Variants in NAV3 observed in about 807,000 individuals in gnomAD.
NAV3 encodes the protein pore membrane and/or filament interacting like protein 1.
In NAV3, 87 loss-of-function variants were observed where a neutral mutation model predicts 244.7. The observed-to-expected ratio is 0.36, with a 90% confidence interval of 0.30 to 0.42. The LOEUF (loss-of-function observed/expected upper bound fraction) is 0.42, where lower values mean the gene tolerates loss of function less well. Ranked by LOEUF, NAV3 falls within the 20% of genes least tolerant of loss-of-function variation. The probability of loss-of-function intolerance (pLI) is 1.00; values close to 1 mark genes in which losing one functional copy is unlikely to be tolerated. For synonymous variants in NAV3, 1,126 were observed against 1,042.2 expected (o/e 1.08, Z -1.55); for missense variants, 2,663 against 2,893.3 (o/e 0.92, Z 1.83).
intron 18 of NAV3, chr12:78,130,192 A>G (rs1956101220): frequency 1.3e-5 from 2 of 152,368 alleles, no homozygotes; most frequent in African/African-American, 4.8e-5. Flanking sequence ...TAATATTAAA[A>G]TATGTTAATA....
chr12:78,190,530 C>T (rs1420144885), intron 34 of NAV3, among the ~76,000 whole-genome samples: 3 of 152,000 alleles, frequency 2.0e-5, no homozygotes, highest in Non-Finnish European at 2.9e-5. Context: ...GAAAGAGGTC[C>T]GTGCACAAGC....
chr12:78,197,935 A>G (rs945505146), intron 35 of NAV3, among the ~76,000 whole-genome samples: 2 of 151,850 alleles, frequency 1.3e-5, no homozygotes. Flanking sequence ...CAACCTTTCT[A>G]TAGAGATAAA....
intron 2 of NAV3, among the ~76,000 whole-genome samples, chr12:77,785,732 G>A (rs1463238137): frequency 6.6e-6 from 1 of 152,150 alleles, no homozygotes; most frequent in African/African-American, 2.4e-5. Context: ...CGGAGTGGTG[G>A]TAGGCGTGGG....
chr12:77,776,784 C>T (rs1870383517), intron 2 of NAV3, among the ~76,000 whole-genome samples: 1 of 152,100 alleles, frequency 6.6e-6, no homozygotes, highest in Non-Finnish European at 1.5e-5. Flanking sequence ...AGTTTGAGAC[C>T]AGCCTGACCA....
chr12:77,965,995 C>T (rs1394644030), intron 3 of NAV3, among the ~76,000 whole-genome samples: 2 of 152,144 alleles, frequency 1.3e-5, no homozygotes, highest in Non-Finnish European at 2.9e-5. Context: ...TGCAAGAATG[C>T]CATTCTTTAT....
At chr12:77,759,068 G>A in intron 2 of NAV3, among the ~76,000 whole-genome samples, 1 of 152,148 alleles carries the variant, frequency 6.6e-6, no homozygotes, top group East Asian at 1.9e-4. Context: ...TGCCACATTG[G>A]ACAGCACAGT....
intron 39 of NAV3, among the ~76,000 whole-genome samples, chr12:78,208,712 C>T (rs1960589752): frequency 6.6e-6 from 1 of 152,134 alleles, no homozygotes; most frequent in African/African-American, 2.4e-5. Context: ...CACAGTGAAA[C>T]TTTTACAACA....
intron 1 of NAV3, among the ~76,000 whole-genome samples, chr12:77,835,802 A>C (rs578010909): frequency 6.6e-6 from 1 of 152,236 alleles, no homozygotes; most frequent in Non-Finnish European, 1.5e-5. Flanking sequence ...CTCATATCTT[A>C]TAATGTCTTC....
intron 8 of NAV3, among the ~76,000 whole-genome samples, chr12:78,009,979 C>T (rs1593268976): frequency 6.6e-6 from 1 of 152,128 alleles, no homozygotes; most frequent in East Asian, 1.9e-4. Flanking sequence ...TTTTGGGAGG[C>T]CAAGGTGGGA....
chr12:77,630,313 A>C (rs1490227170), intron 2 of NAV3, among the ~76,000 whole-genome samples: 1 of 152,162 alleles, frequency 6.6e-6, no homozygotes, highest in Non-Finnish European at 1.5e-5. Context: ...GTAGATTAGC[A>C]ACTTTTTATG....
intron 34 of NAV3, among the ~76,000 whole-genome samples, chr12:78,192,935 G>A (rs1434602431): frequency 6.6e-6 from 1 of 151,984 alleles, no homozygotes; most frequent in Non-Finnish European, 1.5e-5. Flanking sequence ...GGGTAAGTGA[G>A]GATAAATATA....
intron 2 of NAV3, among the ~76,000 whole-genome samples, chr12:77,764,684 T>C (rs1212637436): frequency 2.6e-5 from 4 of 152,276 alleles, no homozygotes; most frequent in Non-Finnish European, 4.4e-5. Context: ...GTTTCATTAT[T>C]GTTAGCTTCA....
intron 2 of NAV3, among the ~76,000 whole-genome samples, chr12:77,719,319 T>C (rs1876505822): frequency 6.6e-6 from 1 of 152,150 alleles, no homozygotes; most frequent in Non-Finnish European, 1.5e-5. Context: ...GCCTAATTGC[T>C]TTATGAAAAC....
intron 2 of NAV3, among the ~76,000 whole-genome samples, chr12:77,669,737 G>T (rs1873877801): frequency 6.6e-6 from 1 of 151,944 alleles, no homozygotes; most frequent in African/African-American, 2.4e-5. Context: ...AAGATAAATG[G>T]CAAACAATAA....
At chr12:77,994,688 G>A in intron 5 of NAV3, 115 bp from the exon 6 acceptor site, 1 of 740,598 alleles carries the variant, frequency 1.4e-6, no homozygotes, top group Non-Finnish European at 2.3e-6. Context: ...CTTTATACAT[G>A]TTTATACGTG....
intron 22 of NAV3, among the ~76,000 whole-genome samples, chr12:78,155,918 G>A (rs1388043030): frequency 6.6e-6 from 1 of 152,124 alleles, no homozygotes; most frequent in Admixed American, 6.6e-5. Context: ...CAAATGGATA[G>A]ATTCCACAAA....
At chr12:77,952,068 TAAAA>T (rs35164374) in intron 3 of NAV3, among the ~76,000 whole-genome samples, 1 of 140,044 alleles carries the variant, frequency 7.1e-6, no homozygotes, top group East Asian at 2.1e-4. Flanking sequence ...AAAGTATAAT[TAAAA>T]AAAAAAAAAA....
At chr12:77,840,976 C>T (rs1396407703) in intron 1 of NAV3, among the ~76,000 whole-genome samples, 5 of 152,172 alleles carry the variant, frequency 3.3e-5, no homozygotes, top group African/African-American at 9.7e-5. Flanking sequence ...CTGAATTAAT[C>T]TTTGACAAAT....
At chr12:78,009,657 G>A (rs1874910880) in intron 8 of NAV3, among the ~76,000 whole-genome samples, 1 of 151,986 alleles carries the variant, frequency 6.6e-6, no homozygotes, top group Admixed American at 6.6e-5. Context: ...AATTGTAGAA[G>A]CTACCTCATT....
Sources: gnomAD v4.1 joint callset for allele counts (sites outside exome capture counted in the v4.1 genomes callset) on GRCh38, gnomAD v4.1.1 for gene constraint, MANE v1.5 for transcripts, NCBI Gene and HGNC (gene_info 2026-07-23, HGNC 2026-07-21) for gene names.